Variants in PRUNE2 observed in about 807,000 individuals in gnomAD.
PRUNE2 encodes the protein prune homolog 2 with BCH domain.
In PRUNE2, 164 loss-of-function variants were observed where a neutral mutation model predicts 252.0. That is an observed-to-expected ratio of 0.65 (90% CI 0.57 to 0.74). The LOEUF (loss-of-function observed/expected upper bound fraction) is 0.74. Ranked by LOEUF, PRUNE2 falls within the 30% of genes least tolerant of loss-of-function variation. The pLI is 0.00. For missense variants in PRUNE2, 3,495 were observed against 3,711.0 expected (o/e 0.94, Z 1.51); for synonymous variants, 1,292 against 1,350.2 (o/e 0.96, Z 0.94).
chr9:76,722,496 T>A (rs2047734806), intron 6 of PRUNE2, among the ~76,000 whole-genome samples: 1 of 152,184 alleles, frequency 6.6e-6, no homozygotes, highest in Admixed American at 6.5e-5. Flanking sequence ...ATATTATCAT[T>A]CTTTATAGCT....
At chr9:76,618,343 C>T (rs1317061239) in intron 18 of PRUNE2, among the ~76,000 whole-genome samples, 1 of 152,138 alleles carries the variant, frequency 6.6e-6, no homozygotes, top group East Asian at 1.9e-4. Flanking sequence ...CAAAGGAGGT[C>T]CAAAGACAGC....
At chr9:76,881,544 CTATACA>C (rs2061784932) in intron 1 of PRUNE2, among the ~76,000 whole-genome samples, 1 of 152,062 alleles carries the variant, frequency 6.6e-6, no homozygotes, top group Non-Finnish European at 1.5e-5. Flanking sequence ...AAAAGACACC[CTATACA>C]TATTCTCCAT....
At chr9:76,820,355 G>A (rs931557099) in intron 6 of PRUNE2, among the ~76,000 whole-genome samples, 1 of 152,116 alleles carries the variant, frequency 6.6e-6, no homozygotes, top group Non-Finnish European at 1.5e-5. Context: ...AGAGACAAGG[G>A]GTTTAGAAGC....
chr9:76,619,604 A>G (rs1273479203), intron 17 of PRUNE2, among the ~76,000 whole-genome samples: 1 of 152,250 alleles, frequency 6.6e-6, no homozygotes, highest in Non-Finnish European at 1.5e-5. Flanking sequence ...CAAAGCAAAG[A>G]TTAAAAACTC....
chr9:76,695,952 G>C (rs2045343308), intron 9 of PRUNE2, among the ~76,000 whole-genome samples: 1 of 152,116 alleles, frequency 6.6e-6, no homozygotes, highest in South Asian at 2.1e-4. Context: ...GAGAGATGGA[G>C]CAGAGTTCTC....
intron 1 of PRUNE2, among the ~76,000 whole-genome samples, chr9:76,888,447 C>T (rs1166048412): frequency 2.0e-5 from 3 of 151,898 alleles, no homozygotes; most frequent in African/African-American, 7.3e-5. Flanking sequence ...CGTGGTGGCG[C>T]AGGCCTGTAA....
rs186796783 is a variant in PRUNE2, at chr9:76,767,480, A to G, written c.757-53759T>C. On this transcript the variant is annotated intron_variant, in intron 6 of 18. Coordinates refer to ENST00000376718, the MANE Select transcript of PRUNE2 (RefSeq NM_015225.3). ...AAAAAAAAGAAAGAAAGAAAAAAGC[A>G]CAGATTCTTTATTTTCCTTGCTTTC... 1.3e-3 allele frequency among the ~76,000 whole-genome samples: 191 copies of G among 151,974 alleles called. 1 individual carries two copies. Among genetic ancestry groups the G allele is most frequent in the African/African-American group, 4.4e-3 (182 of 41,458 alleles).
chr9:76,797,132 T>G (rs1044371900), intron 6 of PRUNE2, among the ~76,000 whole-genome samples: 2 of 152,190 alleles, frequency 1.3e-5, no homozygotes, highest in Non-Finnish European at 2.9e-5. Flanking sequence ...TGTGTACTGT[T>G]AAAATTTTCT....
chr9:76,870,408 G>A (rs1032427591), intron 1 of PRUNE2, among the ~76,000 whole-genome samples: 1 of 151,966 alleles, frequency 6.6e-6, no homozygotes, highest in Admixed American at 6.6e-5. Flanking sequence ...TCCTCCGGCC[G>A]GGTGCGGTGG....
At chr9:76,713,370 A>C (rs1182490366) in intron 7 of PRUNE2, among the ~76,000 whole-genome samples, 193 bp downstream of exon 7, 1 of 152,192 alleles carries the variant, frequency 6.6e-6, no homozygotes, top group Non-Finnish European at 1.5e-5. Flanking sequence ...AAGAAGAGAA[A>C]TGCTTTTGGG....
At position 76,614,161 on chromosome 9, in the gene PRUNE2, T is replaced by C. The variant is rs1828335246; in HGVS notation, c.*409A>G. The C allele has an allele frequency of 5.3e-6, 1 of 188,116 alleles. No homozygotes were observed. Among genetic ancestry groups the C allele is most frequent in the Admixed American group, 6.3e-5 (1 of 15,946 alleles). The allele number at this position is 188,116 out of a possible 1,614,324, so 11.7% of individuals were successfully genotyped here. A position where few individuals can be genotyped will look rare whatever the true frequency, so the allele number is the denominator to read the frequency against. ...AACTTTCCTGGGGAGAGTTGAGACC[T>C]GTGTACTTTAAACCTAATGCAATCA... On this transcript the variant is annotated 3_prime_UTR_variant, in exon 19 of 19. Coordinates refer to ENST00000376718, the MANE Select transcript of PRUNE2 (RefSeq NM_015225.3).
intron 9 of PRUNE2, among the ~76,000 whole-genome samples, chr9:76,657,944 C>G (rs893740941): frequency 1.2e-4 from 18 of 152,250 alleles, no homozygotes; most frequent in Middle Eastern, 3.4e-3. Flanking sequence ...AAAGCAGAGA[C>G]CCTATGAAGA....
At chr9:76,671,171 T>C (rs1321830569) in intron 9 of PRUNE2, among the ~76,000 whole-genome samples, 2 of 146,446 alleles carry the variant, frequency 1.4e-5, no homozygotes, top group East Asian at 4.0e-4. Flanking sequence ...TTTAGAAGAA[T>C]GTATAACTGG....
At chr9:76,875,568 A>G (rs1014982037) in intron 1 of PRUNE2, among the ~76,000 whole-genome samples, 19 of 151,866 alleles carry the variant, frequency 1.3e-4, no homozygotes, top group Admixed American at 4.6e-4. Context: ...GTTTCACCAT[A>G]TTGGCCAGGC....
At chr9:76,874,615 G>A (rs367917701) in intron 1 of PRUNE2, among the ~76,000 whole-genome samples, 23 of 152,122 alleles carry the variant, frequency 1.5e-4, no homozygotes, top group African/African-American at 4.1e-4. Flanking sequence ...CCCATCGCTC[G>A]AGCTTCATTT....
intron 9 of PRUNE2, among the ~76,000 whole-genome samples, chr9:76,687,243 C>G (rs2044194507): frequency 6.6e-6 from 1 of 152,218 alleles, no homozygotes. Context: ...TCATGCTCAG[C>G]TGCTCTCTTG....
chr9:76,652,446 AG>A (rs963861495), intron 11 of PRUNE2, 36 bp downstream of exon 11: 1 of 1,386,622 alleles, frequency 7.2e-7, no homozygotes, highest in African/African-American at 1.4e-5. Context: ...TTACTTATTT[AG>A]CATTTAACTT....
chr9:76,678,550 C>G (rs1413849616), intron 9 of PRUNE2, among the ~76,000 whole-genome samples: 1 of 152,184 alleles, frequency 6.6e-6, no homozygotes, highest in African/African-American at 2.4e-5. Flanking sequence ...CCTTCCTTGG[C>G]CGGGCACGGC....
chr9:76,789,039 C>G (rs557808035), intron 6 of PRUNE2, among the ~76,000 whole-genome samples: 2 of 152,188 alleles, frequency 1.3e-5, no homozygotes, highest in African/African-American at 4.8e-5. Flanking sequence ...GGTATTTCCT[C>G]ATAATTTTCT....
Sources: allele counts gnomAD v4.1 joint callset (sites outside exome capture counted in the v4.1 genomes callset), GRCh38; gene constraint gnomAD v4.1.1; transcripts MANE v1.5; gene names NCBI Gene and HGNC (gene_info 2026-07-23, HGNC 2026-07-21).